CACFD1: variants seen among roughly 807,000 people sequenced by gnomAD.
The protein encoded by CACFD1 is calcium channel flower homolog.
A neutral mutation model predicts 21.3 loss-of-function variants in CACFD1; 26 were observed. The observed-to-expected ratio is 1.22, with a 90% CI of 0.89 to 1.69. The LOEUF is 1.69. Ranked by LOEUF, CACFD1 falls within the 40% of genes most tolerant of loss-of-function variation. The pLI, the probability that CACFD1 is intolerant of heterozygous loss-of-function variation, is 0.00. For missense variants in CACFD1, 265 were observed against 236.2 expected, an observed-to-expected ratio of 1.12 and a Z score of -0.80; for synonymous variants, 121 against 106.6, an observed-to-expected ratio of 1.13 and a Z score of -0.83.
At position 133,468,495 on chromosome 9, in the gene CACFD1, G is replaced by A. The variant is rs1315220305; in HGVS notation, c.429-68G>A. 1.9e-6 allele frequency: 3 copies of A among 1,544,652 alleles called. No homozygotes were observed. The Admixed American group carries it at 5.9e-5, about 30-fold the overall frequency. On this transcript the variant is annotated intron_variant, in intron 4 of 4. Coordinates refer to ENST00000316948, the MANE Select transcript of CACFD1 (RefSeq NM_017586.5). ...ACCTGGGTCACAGGGCAGGAACCGG[G>A]CAGTGGTCAGGAGGGCTGTGGGCAT...
At chr9:133,460,218 C>G in intron 1 of CACFD1, 31 bp downstream of exon 1, 1 of 1,504,630 alleles carries the variant, frequency 6.6e-7, no homozygotes, top group Non-Finnish European at 8.9e-7. Context: ...AGGGGCCGGC[C>G]CCGCCGCGCA....
chr9:133,463,344 CA>C (rs1447265350), intron 1 of CACFD1, 138 bp from the exon 2 acceptor site: 29 of 1,506,338 alleles, frequency 1.9e-5, no homozygotes, highest in Non-Finnish European at 2.5e-5. Flanking sequence ...CGATAGAGGG[CA>C]GGCTTCTGGG....
chr9:133,466,584 T>C (rs942389109), intron 3 of CACFD1, among the ~76,000 whole-genome samples: 5 of 150,730 alleles, frequency 3.3e-5, no homozygotes, highest in African/African-American at 1.2e-4. Context: ...TAAACATGTG[T>C]CTGCTAAAAC....
At chr9:133,464,267 A>G (rs976302105) in intron 2 of CACFD1, among the ~76,000 whole-genome samples, 2 of 152,126 alleles carry the variant, frequency 1.3e-5, no homozygotes, top group Non-Finnish European at 1.5e-5. Flanking sequence ...CCAGTGACCT[A>G]TGGCCAGTGG....
intron 2 of CACFD1, among the ~76,000 whole-genome samples, chr9:133,464,832 T>G (rs3124764): frequency 6.6e-6 from 1 of 152,062 alleles, no homozygotes; most frequent in Non-Finnish European, 1.5e-5. Context: ...GTGACTGTTT[T>G]GGGACTGCGT....
Position 133,460,023 on chromosome 9 carries a change from CGAGCCCTTTGT to C in CACFD1, c.-40_-30del. The C allele has an allele frequency of 6.7e-7, 1 of 1,503,394 alleles. No individual in the cohort carries two copies. Among genetic ancestry groups the C allele is most frequent in the East Asian group, 2.7e-5 (1 of 37,556 alleles). The allele number at this position is 1,503,394 out of a possible 1,614,324, so 93.1% of individuals were successfully genotyped here. A position where few individuals can be genotyped will look rare whatever the true frequency, so the allele number is the denominator to read the frequency against. On this transcript the variant is annotated 5_prime_UTR_variant, in exon 1 of 5. Transcript: ENST00000316948. ...CGCCGGCTCGGACGCGGCCGGCTAC[CGAGCCCTTTGT>C]GAGGGCTGTGAGCTGCGCCTGACGG... is the stretch of plus-strand genomic sequence containing the variant.
In CACFD1 at chr9:133,463,564, T is replaced by C. The variant is rs781893421; in HGVS notation, c.194+9T>C. The C allele has an allele frequency of 3.2e-5, 52 of 1,613,702 alleles. No individual in the cohort carries two copies. In the Admixed American group the frequency reaches 4.2e-4, roughly 13 times the overall value. On this transcript the variant is annotated intron_variant, in intron 2 of 4. Transcript: ENST00000316948. Reference sequence around the variant, plus strand: ...GCCGGCGTGTGGATGATGTGAGTAATGCATGGCCGTCCCACCCCGGGGGTC... The same window carrying C: ...GCCGGCGTGTGGATGATGTGAGTAACGCATGGCCGTCCCACCCCGGGGGTC...
chr9:133,463,493 C>G lies in CACFD1; in HGVS notation c.132C>G (p.Ile44Met), dbSNP rs1481735568. The change falls in exon 2 of 5, where the codon ATC (isoleucine) becomes ATG (methionine). Residue 44 changes from isoleucine (I) to methionine (M), a missense_variant. Physicochemically the swap from Ile to Met is conservative, Grantham distance 10. Transcript: ENST00000316948. ...GTCTCTTGTTTCAAGCTTGCGCGAT[C>G]TCTGGCCTCTTCAACTGCATCACCA... is the stretch of plus-strand genomic sequence containing the variant. ...SGVLGAVSCA[I>M]SGLFNCITIH... 3.7e-6 allele frequency: 6 copies of G among 1,614,014 alleles called. No individual in the cohort carries two copies. Among genetic ancestry groups the G allele is most frequent in the Non-Finnish European group, 5.1e-6 (6 of 1,180,032 alleles).
At chr9:133,467,773 C>T in intron 3 of CACFD1, 148 bp from the exon 4 acceptor site, 1 of 615,660 alleles carries the variant, frequency 1.6e-6, no homozygotes, top group East Asian at 2.8e-5. Flanking sequence ...TGATGAAGGA[C>T]TTTCTGAAGC....
At chr9:133,468,424 C>T (rs1843533979) in intron 4 of CACFD1, 139 bp from the exon 5 acceptor site, 1 of 1,536,166 alleles carries the variant, frequency 6.5e-7, no homozygotes, top group South Asian at 1.2e-5. Context: ...AGGCCTTTGC[C>T]ACCCCAGCAG....
chr9:133,468,917 C>G lies in CACFD1; in HGVS notation c.*264C>G. On this transcript the variant is annotated 3_prime_UTR_variant, in exon 5 of 5. Transcript: ENST00000316948. ...AGCCCTACTCCTCTGCTGGGTGGGTCTGCAGATCTCACACCACAGACAGGG... is the reference window on the plus strand; with the variant it reads ...AGCCCTACTCCTCTGCTGGGTGGGTGTGCAGATCTCACACCACAGACAGGG... 2.0e-6 allele frequency: 1 copy of G among 501,238 alleles called. No homozygotes were observed. Among genetic ancestry groups the G allele is most frequent in the Non-Finnish European group, 3.4e-6 (1 of 290,764 alleles). The allele number at this position is 501,238 out of a possible 1,614,324, so 31.0% of individuals were successfully genotyped here.
At chr9:133,463,435 G>A (rs782646300) in intron 1 of CACFD1, 48 bp from the exon 2 acceptor site, 9 of 1,612,826 alleles carry the variant, frequency 5.6e-6, no homozygotes, top group Non-Finnish European at 6.8e-6. Flanking sequence ...TTCCCAGCGG[G>A]CTCCGCCTGC....
chr9:133,463,514 C>T lies in CACFD1; in HGVS notation c.153C>T (p.Ile51=). 6.2e-7 allele frequency: 1 copy of T among 1,614,136 alleles called. No individual in the cohort carries two copies. The highest frequency in any genetic ancestry group is 1.7e-5 in the Admixed American group (1 of 60,036). Residue 51 remains isoleucine, a synonymous_variant, in exon 2 of 5, where the codon ATC becomes ATT. Coordinates refer to ENST00000316948, the MANE Select transcript of CACFD1 (RefSeq NM_017586.5). ...CGATCTCTGGCCTCTTCAACTGCAT[C>T]ACCATCCACCCTCTGAACATTGCGG... The part of the protein sequence containing the change: ...SCAISGLFNC[I]TIHPLNIAAG...
At position 133,467,995 on chromosome 9, in the gene CACFD1, G is replaced by C. The variant is rs782195965; in HGVS notation, c.395G>C (p.Gly132Ala). The change falls in exon 4 of 5, where the codon GGG becomes GCG. Residue 132 changes from glycine (G) to alanine (A), a missense_variant. Coordinates refer to ENST00000316948, the MANE Select transcript of CACFD1 (RefSeq NM_017586.5). ...LLGNAIAFATGVLYGLSALGK... is the reference protein window; with the variant it reads ...LLGNAIAFATAVLYGLSALGK... ...GGCAACGCCATCGCCTTTGCTACGG[G>C]GGTGCTGTACGGACTCTCTGCTCTG... The C allele has an allele frequency of 1.9e-6, 3 of 1,613,950 alleles. No homozygotes were observed. Among genetic ancestry groups the C allele is most frequent in the Non-Finnish European group, 2.5e-6 (3 of 1,179,998 alleles).
chr9:133,459,979 C>T lies in CACFD1; in HGVS notation c.-88C>T, dbSNP rs1236368435. 6 of 1,418,992 alleles carry T rather than the reference C, an allele frequency of 4.2e-6. No homozygotes were observed. The highest frequency in any genetic ancestry group is 1.4e-5 in the South Asian group (1 of 70,046). 87.9% of individuals were successfully genotyped at this position (1,418,992 alleles called of 1,614,324 possible). A position where few individuals can be genotyped will look rare whatever the true frequency, so the allele number is the denominator to read the frequency against. On this transcript the variant is annotated 5_prime_UTR_variant, in exon 1 of 5. Coordinates refer to ENST00000316948, the MANE Select transcript of CACFD1 (RefSeq NM_017586.5). ...CCCCGCCCCCTATGCTAATATGCTC[C>T]CTCTCCCACAAGGCAGCGCGCCGGC...
Position 133,465,711 on chromosome 9 carries a change from A to T in CACFD1, c.320+264A>T. On this transcript the variant is annotated intron_variant, in intron 3 of 4. Transcript: ENST00000316948. The surrounding 1 kb of genome is among the most constrained non-coding windows in gnomAD (Gnocchi z 5.0). ...TGAGCATGTGTGGCAGCATCCGTGC[A>T]GTGGAGAGAAAGTGGGAAGCGTCTG... 2.4e-6 allele frequency: 1 copy of T among 421,674 alleles called. No individual in the cohort carries two copies. 26.1% of individuals were successfully genotyped at this position (421,674 alleles called of 1,614,324 possible). A position where few individuals can be genotyped will look rare whatever the true frequency, so the allele number is the denominator to read the frequency against.
chr9:133,463,314 G>C, intron 1 of CACFD1, 169 bp from the exon 2 acceptor site: 1 of 841,760 alleles, frequency 1.2e-6, no homozygotes, highest in Non-Finnish European at 1.4e-6. Flanking sequence ...ACCTCTCTGC[G>C]TCTCCTCACC....
At position 133,463,545 on chromosome 9, in the gene CACFD1, G is replaced by T. The variant is rs201075969; in HGVS notation, c.184G>T (p.Val62Leu). The change falls in exon 2 of 5, where the codon GTG (valine) becomes TTG (leucine). Residue 62 changes from valine to leucine, a missense_variant. Coordinates refer to ENST00000316948, the MANE Select transcript of CACFD1 (RefSeq NM_017586.5). ...CCACCCTCTGAACATTGCGGCCGGCGTGTGGATGATGTGAGTAATGCATGG... is the reference window on the plus strand; with the variant it reads ...CCACCCTCTGAACATTGCGGCCGGCTTGTGGATGATGTGAGTAATGCATGG... ...TIHPLNIAAG[V>L]WMIMNAFILL... 6.2e-7 allele frequency: 1 copy of T among 1,613,918 alleles called. No individual in the cohort carries two copies. Among genetic ancestry groups the T allele is most frequent in the African/African-American group, 1.3e-5 (1 of 74,954 alleles).
chr9:133,463,093 T>C (rs1843281282), intron 1 of CACFD1, among the ~76,000 whole-genome samples: 1 of 152,244 alleles, frequency 6.6e-6, no homozygotes, highest in African/African-American at 2.4e-5. Flanking sequence ...TACCGAAGGC[T>C]GAGTCTTGGG....
Sources: gnomAD v4.1 joint callset for allele counts (sites outside exome capture counted in the v4.1 genomes callset) on GRCh38, gnomAD v4.1.1 for gene constraint, Gnocchi (gnomAD v3.1) non-coding constraint, MANE v1.5 for transcripts, NCBI Gene and HGNC (gene_info 2026-07-23, HGNC 2026-07-21) for gene names.